The following PTPN13 variants were observed in gnomAD, a reference collection of about 807,000 sequenced individuals.
The protein encoded by PTPN13 is protein tyrosine phosphatase non-receptor type 13.
In PTPN13, 191 loss-of-function variants were observed where a neutral mutation model predicts 284.0. The ratio of observed to expected loss-of-function variants is 0.67; its 90% CI spans 0.60 to 0.76. PTPN13 has a LOEUF of 0.76. Ranked by LOEUF, PTPN13 falls within the 30% of genes least tolerant of loss-of-function variation. PTPN13 has a pLI of 0.00. For synonymous variants in PTPN13, 986 were observed against 1,022.3 expected (o/e 0.96, Z 0.68); for missense variants, 2,797 against 2,939.9 (o/e 0.95, Z 1.12).
rs1249889409 is a variant in PTPN13 at position 86,796,860 on chromosome 4, T to G, written c.6346-14T>G. ...ACAATGGGCTGATTTGATTCTTATA[T>G]ATTTTTATTGTAGGCCACCAAAATG... is the stretch of plus-strand genomic sequence containing the variant. On this transcript the variant is annotated splice_polypyrimidine_tract_variant and intron_variant, in intron 40 of 47. Transcript: ENST00000411767. 1 of 1,454,406 alleles carries G rather than the reference T, an allele frequency of 6.9e-7. No homozygotes were observed. The highest frequency in any genetic ancestry group is 2.0e-5 in the Admixed American group (1 of 50,362). The allele number at this position is 1,454,406 out of a possible 1,614,324, so 90.1% of individuals were successfully genotyped here. A position where few individuals can be genotyped will look rare whatever the true frequency, so the allele number is the denominator to read the frequency against.
chr4:86,721,843 T>C (rs1291727214), intron 9 of PTPN13, among the ~76,000 whole-genome samples: 1 of 150,698 alleles, frequency 6.6e-6, no homozygotes, highest in Non-Finnish European at 1.5e-5. Context: ...ACCCCCAGGC[T>C]CAATCAATTC....
At chr4:86,682,023 G>A (rs905000585) in intron 3 of PTPN13, among the ~76,000 whole-genome samples, 3 of 152,154 alleles carry the variant, frequency 2.0e-5, no homozygotes. Context: ...GTACATGCTA[G>A]CTATTTATAT....
At chr4:86,718,720 G>A (rs1224956258) in intron 9 of PTPN13, among the ~76,000 whole-genome samples, 3 of 152,036 alleles carry the variant, frequency 2.0e-5, no homozygotes, top group Admixed American at 6.5e-5. Context: ...CAAAGTGCTG[G>A]GATTACAGGT....
rs760212428 is a variant in PTPN13 at position 86,785,328 on chromosome 4, T to C, written c.6216T>C (p.Leu2072=). Residue 2072 remains leucine, a synonymous_variant, in exon 39 of 48, where the codon CTT becomes CTC. Transcript: ENST00000411767. The part of the protein sequence containing the change: ...LDVVDEEAQN[L]LNENNAAGYS... ...TTGTGGATGAGGAAGCCCAGAATCT[T>C]TTAAACGAAAATAATGCAGCAGGAT... 1.9e-6 allele frequency: 3 copies of C among 1,611,560 alleles called. No individual in the cohort carries two copies. The East Asian group carries it at 6.7e-5, about 36-fold the overall frequency.
chr4:86,786,475 G>A (rs986410222), intron 40 of PTPN13, among the ~76,000 whole-genome samples: 11 of 152,040 alleles, frequency 7.2e-5, no homozygotes, highest in African/African-American at 2.7e-4. Context: ...ATACATGACT[G>A]TTCATTAAAT....
intron 16 of PTPN13, 117 bp from the exon 17 acceptor site, chr4:86,744,849 C>G (rs1736552130): frequency 1.3e-6 from 1 of 768,990 alleles, no homozygotes; most frequent in African/African-American, 1.8e-5. Context: ...TTAAGTGATG[C>G]ATGACTATAT....
chr4:86,805,453 C>T lies in PTPN13; in HGVS notation c.6745+84C>T, dbSNP rs542015736. ...AATTTTTTGTGTTTAACTTACCTAT[C>T]CCTCACATAACCGTGTGCATGTGCA... is the stretch of plus-strand genomic sequence containing the variant. On this transcript the variant is annotated intron_variant, in intron 44 of 47. Coordinates refer to ENST00000411767, the MANE Select transcript of PTPN13 (RefSeq NM_080683.3). 5.9e-6 allele frequency: 4 copies of T among 674,510 alleles called. No individual in the cohort carries two copies. The African/African-American group carries it at 7.4e-5, about 13-fold the overall frequency. The allele number at this position is 674,510 out of a possible 1,614,324, so 41.8% of individuals were successfully genotyped here.
intron 1 of PTPN13, among the ~76,000 whole-genome samples, chr4:86,608,852 G>A (rs1214403134): frequency 1.3e-5 from 2 of 152,110 alleles, no homozygotes; most frequent in Non-Finnish European, 2.9e-5. Context: ...TACTTAGTAC[G>A]TTTAAAAATC....
intron 27 of PTPN13, 37 bp downstream of exon 27, chr4:86,766,554 A>G (rs1739341190): frequency 1.4e-6 from 2 of 1,423,226 alleles, no homozygotes; most frequent in Non-Finnish European, 1.9e-6. Flanking sequence ...ACAGTACCTT[A>G]GAAGAGCAAA....
intron 5 of PTPN13, among the ~76,000 whole-genome samples, chr4:86,691,755 G>C (rs946323092): frequency 3.3e-5 from 5 of 152,146 alleles, no homozygotes; most frequent in African/African-American, 1.2e-4. Context: ...TGGAACTGGG[G>C]TGTTTTTGAC....
At chr4:86,758,903 T>C (rs1738331179) in intron 22 of PTPN13, 39 bp from the exon 23 acceptor site, 2 of 1,599,002 alleles carry the variant, frequency 1.3e-6, no homozygotes, top group Non-Finnish European at 1.7e-6. Context: ...AATAAATGTA[T>C]CTTTGTTGTT....
intron 23 of PTPN13, among the ~76,000 whole-genome samples, chr4:86,760,933 A>T (rs1358996980): frequency 3.3e-5 from 5 of 151,992 alleles, no homozygotes; most frequent in African/African-American, 1.2e-4. Context: ...TTAAGCACCA[A>T]AGAGGAAGGC....
chr4:86,811,090 CG>C lies in PTPN13; in HGVS notation c.7346del (p.Gly2449GlufsTer20). ...LVRCMRLQRH[G>X]MVQTEDQYIF... ...TGCGCTGCATGAGACTACAAAGACA[CG>C]GAATGGTTCAGACAGAGGTGAGTCA... is the stretch of plus-strand genomic sequence containing the variant. On this transcript the variant is annotated frameshift_variant, in exon 47 of 48. Coordinates refer to ENST00000411767, the MANE Select transcript of PTPN13 (RefSeq NM_080683.3). LOFTEE classifies it high-confidence loss of function. 6.2e-7 allele frequency: 1 copy of C among 1,613,410 alleles called. No homozygotes were observed. The highest frequency in any genetic ancestry group is 1.1e-5 in the South Asian group (1 of 91,034).
intron 46 of PTPN13, among the ~76,000 whole-genome samples, chr4:86,810,466 A>AG (rs1002683909): frequency 5.3e-5 from 8 of 152,198 alleles, no homozygotes; most frequent in African/African-American, 1.9e-4. Context: ...AAAAATTACT[A>AG]TAAGAGTATA....
At chr4:86,792,389 T>C (rs1742791679) in intron 40 of PTPN13, among the ~76,000 whole-genome samples, 1 of 152,190 alleles carries the variant, frequency 6.6e-6, no homozygotes, top group Non-Finnish European at 1.5e-5. Flanking sequence ...TTGATTGGTG[T>C]ACCGGAAAGG....
intron 35 of PTPN13, 46 bp downstream of exon 35, chr4:86,775,698 T>C: frequency 7.3e-7 from 1 of 1,375,416 alleles, no homozygotes; most frequent in Non-Finnish European, 1.0e-6. Flanking sequence ...TGTGTGTGCA[T>C]TTCAGGTCAT....
chr4:86,645,648 C>G (rs562797643), intron 2 of PTPN13, among the ~76,000 whole-genome samples: 23 of 152,018 alleles, frequency 1.5e-4, no homozygotes, highest in African/African-American at 5.5e-4. Flanking sequence ...GATATGAAGG[C>G]CTATGAAACA....
chr4:86,803,275 TATAAAATAA>T (rs1338933125), intron 42 of PTPN13, among the ~76,000 whole-genome samples: 1 of 150,706 alleles, frequency 6.6e-6, no homozygotes, highest in Non-Finnish European at 1.5e-5. Context: ...TATATAAATA[TATAAAATAA>T]ATAAAATAAA....
At chr4:86,625,874 G>T (rs1175597839) in intron 1 of PTPN13, among the ~76,000 whole-genome samples, 1 of 152,076 alleles carries the variant, frequency 6.6e-6, no homozygotes, top group Non-Finnish European at 1.5e-5. Flanking sequence ...ATTTTTACTT[G>T]ATCTTTTGTG....
Sources: gnomAD v4.1 joint callset for allele counts (sites outside exome capture counted in the v4.1 genomes callset) on GRCh38, gnomAD v4.1.1 for gene constraint, MANE v1.5 for transcripts, NCBI Gene and HGNC (gene_info 2026-07-23, HGNC 2026-07-21) for gene names.